DNAH8: variants seen among roughly 807,000 people sequenced by gnomAD.
DNAH8 encodes axonemal beta dynein heavy chain 8.
A neutral mutation model predicts 562.1 loss-of-function variants in DNAH8; 382 were observed. The ratio of observed to expected loss-of-function variants is 0.68; its 90% CI spans 0.63 to 0.74. DNAH8 has a LOEUF of 0.74. DNAH8 is among the 30% of genes least tolerant of loss of function. The pLI, the probability that DNAH8 is intolerant of heterozygous loss-of-function variation, is 0.00. For synonymous variants in DNAH8, 1,881 were observed against 1,919.4 expected (o/e 0.98, Z 0.52); for missense variants, 5,203 against 5,620.4 (o/e 0.93, Z 2.37).
chr6:38,779,423 T>A (rs1403666971), intron 14 of DNAH8, among the ~76,000 whole-genome samples: 1 of 152,222 alleles, frequency 6.6e-6, no homozygotes. Flanking sequence ...ACCTGTAGTA[T>A]GCTGATGTCA....
chr6:38,851,435 G>T, intron 38 of DNAH8, 137 bp from the exon 39 acceptor site: 2 of 586,910 alleles, frequency 3.4e-6, no homozygotes, highest in Non-Finnish European at 3.0e-6. Context: ...ACCAAACATT[G>T]CAGGGGTAGG....
intron 10 of DNAH8, among the ~76,000 whole-genome samples, chr6:38,761,482 G>A (rs1766509597): frequency 6.6e-6 from 1 of 150,716 alleles, no homozygotes; most frequent in Non-Finnish European, 1.5e-5. Flanking sequence ...TATTTTTAGA[G>A]ACAGGGTCTC....
chr6:38,734,388 G>A, intron 4 of DNAH8, 86 bp from the exon 5 acceptor site: 1 of 1,464,978 alleles, frequency 6.8e-7, no homozygotes, highest in South Asian at 1.3e-5. Flanking sequence ...AAGTAAAACA[G>A]GAAACAATAG....
intron 28 of DNAH8, 105 bp downstream of exon 28, chr6:38,823,793 C>T (rs957939660): frequency 1.8e-6 from 1 of 551,380 alleles, no homozygotes; most frequent in African/African-American, 1.9e-5. Context: ...AGTATTATAC[C>T]AAGATATAAT....
At chr6:38,715,940 ATATATATATATATATATATATTTTTT>A in intron 1 of DNAH8, among the ~76,000 whole-genome samples, 1 of 13,776 alleles carries the variant, frequency 7.3e-5, no homozygotes, top group East Asian at 2.5e-3. Flanking sequence ...ATATATATAT[ATATATATATATATATATATATTTTTT>A]TTTTTTTTTT....
chr6:38,826,832 A>G (rs1773371404), intron 29 of DNAH8, among the ~76,000 whole-genome samples: 1 of 152,216 alleles, frequency 6.6e-6, no homozygotes, highest in Admixed American at 6.5e-5. Flanking sequence ...CTCCATAGTA[A>G]ACTGTTGGAA....
chr6:38,979,852 TAAATC>T (rs1763914107), intron 85 of DNAH8, among the ~76,000 whole-genome samples: 1 of 152,200 alleles, frequency 6.6e-6, no homozygotes, highest in Non-Finnish European at 1.5e-5. Flanking sequence ...ATTTAAAAAT[TAAATC>T]AAACACATAG....
At chr6:38,994,890 A>G (rs1339963320) in intron 88 of DNAH8, among the ~76,000 whole-genome samples, 1 of 152,068 alleles carries the variant, frequency 6.6e-6, no homozygotes, top group Non-Finnish European at 1.5e-5. Context: ...GTGATCCGCC[A>G]GCCTTGGCCT....
intron 22 of DNAH8, among the ~76,000 whole-genome samples, chr6:38,803,862 T>A (rs1771013639): frequency 6.6e-6 from 1 of 152,062 alleles, no homozygotes; most frequent in African/African-American, 2.4e-5. Flanking sequence ...TGGTACCCAG[T>A]TGAAGAGTGC....
chr6:38,780,694 G>A (rs1381480293), intron 15 of DNAH8, among the ~76,000 whole-genome samples: 2 of 152,150 alleles, frequency 1.3e-5, no homozygotes, highest in Non-Finnish European at 2.9e-5. Context: ...CTACTGGAGG[G>A]TGGGAGAAGG....
intron 41 of DNAH8, 150 bp from the exon 42 acceptor site, chr6:38,857,368 A>C: frequency 3.3e-6 from 2 of 613,826 alleles, no homozygotes; most frequent in Middle Eastern, 3.3e-4. Flanking sequence ...ATTAACGGTT[A>C]AAACTTTAAC....
At chr6:38,852,438 G>A (rs1453472799) in intron 39 of DNAH8, among the ~76,000 whole-genome samples, 1 of 152,108 alleles carries the variant, frequency 6.6e-6, no homozygotes, top group Admixed American at 6.5e-5. Flanking sequence ...CTGGTGGAAG[G>A]TGACAGTCCT....
chr6:38,917,711 T>G (rs1024331329), intron 69 of DNAH8, among the ~76,000 whole-genome samples: 1 of 152,174 alleles, frequency 6.6e-6, no homozygotes, highest in Admixed American at 6.5e-5. Flanking sequence ...GAAAGAAAAC[T>G]TACATAGCTT....
intron 73 of DNAH8, among the ~76,000 whole-genome samples, chr6:38,924,504 C>T (rs1392717450): frequency 1.3e-5 from 2 of 151,554 alleles, no homozygotes; most frequent in Non-Finnish European, 2.9e-5. Context: ...AACTCCATCC[C>T]CCCCCCAAAA....
At chr6:38,852,665 C>T in intron 39 of DNAH8, 29 bp from the exon 40 acceptor site, 1 of 1,523,498 alleles carries the variant, frequency 6.6e-7, no homozygotes, top group Non-Finnish European at 9.1e-7. Context: ...TGTCCAGCCT[C>T]ATGTGTGACG....
intron 9 of DNAH8, among the ~76,000 whole-genome samples, chr6:38,752,797 T>A (rs995163432): frequency 1.3e-5 from 2 of 152,164 alleles, no homozygotes; most frequent in African/African-American, 2.4e-5. Flanking sequence ...CCATGAGGAA[T>A]CCATTATCCA....
chr6:38,816,759 C>G (rs1035227364), intron 26 of DNAH8, among the ~76,000 whole-genome samples: 1 of 152,166 alleles, frequency 6.6e-6, no homozygotes, highest in African/African-American at 2.4e-5. Context: ...TGTTTCTTGA[C>G]TTTTTAATAA....
intron 24 of DNAH8, among the ~76,000 whole-genome samples, chr6:38,810,240 A>G (rs1771671192): frequency 1.3e-5 from 2 of 151,932 alleles, no homozygotes; most frequent in South Asian, 4.1e-4. Context: ...TCTTTTCTGT[A>G]CTTCAGTTCT....
At chr6:38,826,610 T>C (rs1773347146) in intron 29 of DNAH8, among the ~76,000 whole-genome samples, 1 of 152,222 alleles carries the variant, frequency 6.6e-6, no homozygotes, top group Non-Finnish European at 1.5e-5. Context: ...AATGTTAATA[T>C]ATTAATAATG....
Sources: allele counts gnomAD v4.1 joint callset (sites outside exome capture counted in the v4.1 genomes callset), GRCh38; gene constraint gnomAD v4.1.1; transcripts MANE v1.5; gene names NCBI Gene and HGNC (gene_info 2026-07-23, HGNC 2026-07-21).